DUSP22: variants seen among roughly 807,000 people sequenced by gnomAD.
DUSP22 encodes the protein dual specificity protein phosphatase 22.
A neutral mutation model predicts 24.5 loss-of-function variants in DUSP22; 24 were observed. The observed-to-expected ratio is 0.98, with a 90% CI of 0.71 to 1.38. The LOEUF (loss-of-function observed/expected upper bound fraction) is 1.38, where lower values mean the gene tolerates loss of function less well. Among genes scored for constraint, DUSP22 ranks in the 40% most tolerant of loss-of-function variants. DUSP22 has a pLI of 0.00. For synonymous variants in DUSP22, 160 were observed against 106.4 expected (o/e 1.50, Z -3.10); for missense variants, 330 against 269.2 (o/e 1.23, Z -1.58).
Position 351,104 on chromosome 6 carries a change from C to G in DUSP22, c.*2153C>G. ...AGGTTTCTGTACCTCGCTTGGATGC[C>G]TGTAAGGATCCCGGGAGCCTTGCCG... On this transcript the variant is annotated 3_prime_UTR_variant, in exon 7 of 7. Transcript: ENST00000419235. 1.5e-6 allele frequency: 1 copy of G among 651,558 alleles called. No homozygotes were observed. The highest frequency in any genetic ancestry group is 2.5e-6 in the Non-Finnish European group (1 of 398,510). The allele number at this position is 651,558 out of a possible 1,614,324, so 40.4% of individuals were successfully genotyped here.
At position 349,391 on chromosome 6, in the gene DUSP22, C is replaced by T. The variant is rs1394533712; in HGVS notation, c.*440C>T. 6.8e-6 allele frequency: 7 copies of T among 1,022,238 alleles called. No homozygotes were observed. Among genetic ancestry groups the T allele is most frequent in the Non-Finnish European group, 8.2e-6 (7 of 852,962 alleles). The allele number at this position is 1,022,238 out of a possible 1,614,324, so 63.3% of individuals were successfully genotyped here. On this transcript the variant is annotated 3_prime_UTR_variant, in exon 7 of 7. Coordinates refer to ENST00000419235, the MANE Select transcript of DUSP22 (RefSeq NM_001286555.3). ...GGAAGTCACAGAATTCATATTGCTG[C>T]CCGGGTTGGTGTGGCCACCTTTCCC...
At chr6:317,799 G>A (rs1030665066) in intron 3 of DUSP22, among the ~76,000 whole-genome samples, 110 of 152,392 alleles carry the variant, frequency 7.2e-4, no homozygotes, top group Non-Finnish European at 1.4e-3. Context: ...CTCTGCAGAT[G>A]TCTGCTGATG....
intron 3 of DUSP22, among the ~76,000 whole-genome samples, chr6:330,969 C>A (rs1759114668): frequency 6.6e-6 from 1 of 152,304 alleles, no homozygotes; most frequent in African/African-American, 2.4e-5. Flanking sequence ...CAGGTAGAGA[C>A]TGTTCCTTAC....
rs549003520 is a variant in DUSP22, at chr6:299,258, C to G, written c.22-5370C>G. Among the ~76,000 whole-genome samples, 21 of 152,416 alleles carry G rather than the reference C, an allele frequency of 1.4e-4. No homozygotes were observed. In the South Asian group the frequency reaches 3.7e-3, roughly 27 times the overall value. On this transcript the variant is annotated intron_variant, in intron 1 of 6. Coordinates refer to ENST00000419235, the MANE Select transcript of DUSP22 (RefSeq NM_001286555.3). ...GCTCCTGCGTGGCCTGACTGGTCAGCCAGGTTGTTGCAGATAAACACCTTG... is the reference window on the plus strand; with the variant it reads ...GCTCCTGCGTGGCCTGACTGGTCAGGCAGGTTGTTGCAGATAAACACCTTG...
Position 348,208 on chromosome 6 carries a change from C to A in DUSP22, c.369C>A (p.Ser123=). 14 of 1,614,304 alleles carry A rather than the reference C, an allele frequency of 8.7e-6. No individual in the cohort carries two copies. Among genetic ancestry groups the A allele is most frequent in the African/African-American group, 1.3e-5 (1 of 75,090 alleles). ...DALHTVRAGR[S]CANPNVGFQR... is the part of the protein sequence containing the mutation. Reference sequence around the variant, plus strand: ...TGCACACCGTGCGTGCTGGGAGATCCTGTGCCAACCCCAACGTGGGCTTCC... The same window carrying A: ...TGCACACCGTGCGTGCTGGGAGATCATGTGCCAACCCCAACGTGGGCTTCC... The change falls in exon 6 of 7, where the codon TCC becomes TCA. Residue 123 remains serine, a synonymous_variant. Coordinates refer to ENST00000419235, the MANE Select transcript of DUSP22 (RefSeq NM_001286555.3).
rs765755658 is a variant in DUSP22, at chr6:304,645, C to T, written c.39C>T (p.Tyr13=). 3.7e-6 allele frequency: 6 copies of T among 1,614,144 alleles called. No individual in the cohort carries two copies. In the African/African-American group the frequency reaches 5.3e-5, roughly 14 times the overall value. ...NGMNKILPGL[Y]IGNFKDARDA... is the part of the protein sequence containing the mutation. ...TCTCCTAGATCCTGCCCGGCCTGTA[C>T]ATCGGCAACTTCAAAGGTGAGTTCT... Residue 13 remains tyrosine, a synonymous_variant, in exon 2 of 7, where the codon TAC becomes TAT. Coordinates refer to ENST00000419235, the MANE Select transcript of DUSP22 (RefSeq NM_001286555.3).
chr6:312,493 T>C (rs1345771977), intron 3 of DUSP22, among the ~76,000 whole-genome samples: 2 of 152,308 alleles, frequency 1.3e-5, no homozygotes, highest in Admixed American at 1.3e-4. Context: ...TGTGTCTGCT[T>C]GTGCACTGAT....
chr6:325,095 C>G (rs770729357), intron 3 of DUSP22: 1,193 of 150,110 alleles, frequency 7.9e-3, no homozygotes, highest in South Asian at 0.025. Flanking sequence ...TCCGCATCCT[C>G]GTGTGTGCAG....
chr6:293,247 C>G (rs1757176973), intron 1 of DUSP22, among the ~76,000 whole-genome samples: 1 of 152,296 alleles, frequency 6.6e-6, no homozygotes, highest in Admixed American at 6.5e-5. Context: ...TCTTTTGTTG[C>G]CCGCACCTCA....
chr6:348,987 T>C lies in DUSP22; in HGVS notation c.*36T>C, dbSNP rs538965304. The C allele has an allele frequency of 6.3e-4, 973 of 1,554,752 alleles. No homozygotes were observed. The highest frequency in any genetic ancestry group is 2.0e-3 in the East Asian group (84 of 41,080). On this transcript the variant is annotated 3_prime_UTR_variant, in exon 7 of 7. Coordinates refer to ENST00000419235, the MANE Select transcript of DUSP22 (RefSeq NM_001286555.3). ...CTGCTGCCTTCCTTCCCACTGCTTGTCTTCAGTGTGCCCGGCTGGGCAGGG... is the reference window on the plus strand; with the variant it reads ...CTGCTGCCTTCCTTCCCACTGCTTGCCTTCAGTGTGCCCGGCTGGGCAGGG...
At chr6:307,206 T>TA (rs1430608286) in intron 2 of DUSP22, among the ~76,000 whole-genome samples, 4 of 152,300 alleles carry the variant, frequency 2.6e-5, no homozygotes, top group African/African-American at 9.6e-5. Flanking sequence ...GTGCCTCTTG[T>TA]AACACAAGAA....
intron 3 of DUSP22, among the ~76,000 whole-genome samples, chr6:317,187 A>T (rs1016241723): frequency 1.3e-5 from 2 of 152,306 alleles, no homozygotes; most frequent in African/African-American, 4.8e-5. Flanking sequence ...ATTGATGAGG[A>T]AACTCACCAA....
chr6:304,352 A>C (rs776439587), intron 1 of DUSP22, among the ~76,000 whole-genome samples: 7 of 152,286 alleles, frequency 4.6e-5, no homozygotes, highest in Non-Finnish European at 2.9e-5. Context: ...GGGGCAGGGG[A>C]CTTGGACCCT....
chr6:317,081 A>G (rs1427919718), intron 3 of DUSP22, among the ~76,000 whole-genome samples: 1 of 152,304 alleles, frequency 6.6e-6, no homozygotes, highest in African/African-American at 2.4e-5. Context: ...TGAAGTGTTG[A>G]TGCCAAGACT....
At chr6:323,578 G>C (rs1318792036) in intron 3 of DUSP22, among the ~76,000 whole-genome samples, 1 of 152,428 alleles carries the variant, frequency 6.6e-6, no homozygotes, top group South Asian at 2.1e-4. Flanking sequence ...TCCGTGAGAG[G>C]TGCAGCCACT....
intron 1 of DUSP22, 140 bp from the exon 2 acceptor site, chr6:304,488 C>T: frequency 2.3e-6 from 3 of 1,281,966 alleles, no homozygotes; most frequent in South Asian, 1.2e-5. Context: ...TGTTGGGTCA[C>T]CCGCGTGTCT....
At chr6:342,280 C>G (rs909946808) in intron 4 of DUSP22, among the ~76,000 whole-genome samples, 1 of 152,308 alleles carries the variant, frequency 6.6e-6, no homozygotes, top group African/African-American at 2.4e-5. Flanking sequence ...CGTACAGACA[C>G]GGCTCTTTCT....
chr6:322,852 G>T (rs189613437), intron 3 of DUSP22, among the ~76,000 whole-genome samples: 1 of 150,956 alleles, frequency 6.6e-6, no homozygotes, highest in East Asian at 1.9e-4. Flanking sequence ...GGGCCTTCGA[G>T]TCTGCAATAG....
At chr6:334,055 A>T (rs1420793263) in intron 3 of DUSP22, among the ~76,000 whole-genome samples, 1 of 152,312 alleles carries the variant, frequency 6.6e-6, no homozygotes, top group Admixed American at 6.5e-5. Context: ...GTTTAATTAA[A>T]AATGCAGAAA....
Sources: allele counts gnomAD v4.1 joint callset (sites outside exome capture counted in the v4.1 genomes callset), GRCh38; gene constraint gnomAD v4.1.1; transcripts MANE v1.5; gene names NCBI Gene and HGNC (gene_info 2026-07-23, HGNC 2026-07-21).